CUX1: variants seen among roughly 807,000 people sequenced by gnomAD.
CUX1 encodes cut like homeobox 1, also known as protein CASP.
In CUX1, 31 loss-of-function variants were observed where a neutral mutation model predicts 158.8. The ratio of observed to expected loss-of-function variants is 0.20; its 90% CI spans 0.15 to 0.26. The LOEUF (loss-of-function observed/expected upper bound fraction) is 0.26, where lower values mean the gene tolerates loss of function less well. Ranked by LOEUF, CUX1 falls within the 10% of genes least tolerant of loss-of-function variation. The pLI is 1.00. For synonymous variants in CUX1, 879 were observed against 862.1 expected, an observed-to-expected ratio of 1.02 and a Z score of -0.34; for missense variants, 1,589 against 2,014.6, an observed-to-expected ratio of 0.79 and a Z score of 4.04.
chr7:101,924,499 A>T (rs1170982665), intron 2 of CUX1, among the ~76,000 whole-genome samples: 5 of 151,170 alleles, frequency 3.3e-5, no homozygotes, highest in Non-Finnish European at 5.9e-5. Flanking sequence ...GATCGTTGTA[A>T]CCCCATCTTG....
chr7:102,196,504 C>T, intron 14 of CUX1, 130 bp from the exon 15 acceptor site: 1 of 798,558 alleles, frequency 1.3e-6, no homozygotes. Flanking sequence ...ACCTCATTGG[C>T]CCTTGTAAAA....
At chr7:102,056,627 A>G (rs763112810) in intron 3 of CUX1, among the ~76,000 whole-genome samples, 9 of 151,836 alleles carry the variant, frequency 5.9e-5, no homozygotes, top group African/African-American at 1.9e-4. Flanking sequence ...CTGAAGTGCA[A>G]TGGCATGACT....
intron 8 of CUX1, among the ~76,000 whole-genome samples, chr7:102,155,125 G>A (rs1239720783): frequency 1.3e-5 from 2 of 152,134 alleles, no homozygotes; most frequent in Admixed American, 1.3e-4. Context: ...AACTTTTAGG[G>A]GTCTGAAACA....
intron 11 of CUX1, among the ~76,000 whole-genome samples, chr7:102,179,731 G>A (rs10252539): frequency 0.036 from 5,459 of 152,312 alleles, 342 homozygotes; most frequent in African/African-American, 0.13. Context: ...TTCAGAGCCA[G>A]GGGAGACTCT....
At chr7:102,114,113 A>G (rs963926467) in intron 7 of CUX1, among the ~76,000 whole-genome samples, 1 of 152,202 alleles carries the variant, frequency 6.6e-6, no homozygotes, top group East Asian at 1.9e-4. Context: ...CACATGTGGA[A>G]GGACTCCCAT....
intron 18 of CUX1, among the ~76,000 whole-genome samples, chr7:102,278,435 CA>C (rs1389803358): frequency 4.0e-5 from 6 of 151,308 alleles, no homozygotes; most frequent in Non-Finnish European, 8.8e-5. Flanking sequence ...ACTAAAAATA[CA>C]AAAAAAGTAT....
At chr7:101,997,478 G>T (rs1816102576) in intron 2 of CUX1, among the ~76,000 whole-genome samples, 1 of 151,236 alleles carries the variant, frequency 6.6e-6, no homozygotes, top group African/African-American at 2.5e-5. Flanking sequence ...CGAATAGCTG[G>T]GATTACAGGT....
At chr7:102,208,322 C>T (rs368777047) in intron 20 of CUX1, among the ~76,000 whole-genome samples, 3 of 152,206 alleles carry the variant, frequency 2.0e-5, no homozygotes, top group Admixed American at 1.3e-4. Flanking sequence ...CAGCTCACTG[C>T]AACCTCCGCC....
intron 8 of CUX1, among the ~76,000 whole-genome samples, chr7:102,124,886 A>G (rs2090183631): frequency 6.6e-6 from 1 of 151,678 alleles, no homozygotes; most frequent in African/African-American, 2.4e-5. Context: ...GGTTCAAGCA[A>G]TTTTTATGTC....
At chr7:101,914,471 C>T (rs1563002343) in intron 1 of CUX1, among the ~76,000 whole-genome samples, 1 of 145,010 alleles carries the variant, frequency 6.9e-6, no homozygotes, top group African/African-American at 2.5e-5. Flanking sequence ...TCCTTCCTTC[C>T]TTCCCTTCTT....
intron 11 of CUX1, among the ~76,000 whole-genome samples, chr7:102,186,598 T>A (rs1161437349): frequency 6.6e-6 from 1 of 151,232 alleles, no homozygotes; most frequent in African/African-American, 2.4e-5. Context: ...TATATATATT[T>A]TTTTTTATTT....
At chr7:102,216,025 TG>T (rs1439747574) in intron 20 of CUX1, among the ~76,000 whole-genome samples, 1 of 152,206 alleles carries the variant, frequency 6.6e-6, no homozygotes, top group African/African-American at 2.4e-5. Flanking sequence ...ACCTCCTGCC[TG>T]GGCACAGTGG....
chr7:102,174,440 C>T (rs1792073496), intron 10 of CUX1, among the ~76,000 whole-genome samples: 1 of 152,160 alleles, frequency 6.6e-6, no homozygotes, highest in Admixed American at 6.5e-5. Context: ...TTGAAGGCCA[C>T]CTCTTCCTCT....
chr7:102,081,915 C>A (rs1827461401), intron 4 of CUX1, among the ~76,000 whole-genome samples: 1 of 146,946 alleles, frequency 6.8e-6, no homozygotes, highest in Non-Finnish European at 1.5e-5. Flanking sequence ...CATGAGCCAC[C>A]ATGCCTGGCC....
chr7:102,259,237 G>C (rs1790195543), downstream of CUX1, among the ~76,000 whole-genome samples: 1 of 152,200 alleles, frequency 6.6e-6, no homozygotes, highest in South Asian at 2.1e-4. Flanking sequence ...AGGGCCGGGG[G>C]TGTCTCTAGA....
intron 20 of CUX1, among the ~76,000 whole-genome samples, chr7:102,209,223 C>T (rs782208825): frequency 3.2e-4 from 49 of 152,284 alleles, no homozygotes; most frequent in African/African-American, 9.4e-4. Flanking sequence ...ATGACTTAGA[C>T]GCCAATTTGC....
chr7:102,098,448 C>T (rs1169946674), intron 5 of CUX1, among the ~76,000 whole-genome samples: 1 of 152,024 alleles, frequency 6.6e-6, no homozygotes, highest in Admixed American at 6.6e-5. Flanking sequence ...TCTGTCTCTA[C>T]AGAACATCAG....
intron 3 of CUX1, among the ~76,000 whole-genome samples, chr7:102,044,439 C>A (rs531042098): frequency 1.3e-5 from 2 of 152,024 alleles, no homozygotes; most frequent in Admixed American, 1.3e-4. Flanking sequence ...ATCTGCCTGC[C>A]TTGGCCTCCC....
chr7:101,850,541 C>T (rs1398727624), intron 1 of CUX1, among the ~76,000 whole-genome samples: 3 of 151,114 alleles, frequency 2.0e-5, no homozygotes, highest in Admixed American at 1.3e-4. Flanking sequence ...GCACTGTGCC[C>T]GGCTAATTGT....
Sources: allele counts gnomAD v4.1 joint callset (sites outside exome capture counted in the v4.1 genomes callset), GRCh38; gene constraint gnomAD v4.1.1; transcripts MANE v1.5; gene names NCBI Gene and HGNC (gene_info 2026-07-23, HGNC 2026-07-21).